CATSPERG: variants seen among roughly 807,000 people sequenced by gnomAD.
CATSPERG encodes catsper channel auxiliary subunit gamma.
CATSPERG carries 115 observed loss-of-function variants against 145.0 expected under a neutral mutation model. The ratio of observed to expected loss-of-function variants is 0.79; its 90% CI spans 0.68 to 0.93. CATSPERG has a LOEUF of 0.93. Ranked by LOEUF, CATSPERG falls within the 40% of genes least tolerant of loss-of-function variation. The probability of loss-of-function intolerance (pLI) is 0.00; values close to 1 mark genes in which losing one functional copy is unlikely to be tolerated. For synonymous variants in CATSPERG, 588 were observed against 589.0 expected, an observed-to-expected ratio of 1.00 and a Z score of 0.02; for missense variants, 1,296 against 1,490.1, an observed-to-expected ratio of 0.87 and a Z score of 2.14.
chr19:38,342,014 G>C (rs1969946165), intron 3 of CATSPERG, among the ~76,000 whole-genome samples: 3 of 151,576 alleles, frequency 2.0e-5, no homozygotes, highest in Admixed American at 2.0e-4. Context: ...AGAGGTGGAG[G>C]TTACAGTGAG....
intron 19 of CATSPERG, 48 bp from the exon 20 acceptor site, chr19:38,362,666 G>C (rs765411421): frequency 6.2e-7 from 1 of 1,604,876 alleles, no homozygotes; most frequent in Admixed American, 1.7e-5. Flanking sequence ...CGGAGGGGCG[G>C]GGCCTGTCTG....
At chr19:38,360,927 C>A in intron 16 of CATSPERG, 84 bp downstream of exon 16, 1 of 1,147,242 alleles carries the variant, frequency 8.7e-7, no homozygotes, top group Admixed American at 2.1e-5. Context: ...AGAGGGGAGA[C>A]CGAGCTAACC....
At position 38,358,272 on chromosome 19, in the gene CATSPERG, C is replaced by A. The variant is rs749015283; in HGVS notation, c.1316-6C>A. On this transcript the variant is annotated splice_polypyrimidine_tract_variant and splice_region_variant and intron_variant, in intron 11 of 28. Transcript: ENST00000409235. ...GGAGATTTTGCTGTGTTCTCCCCAC[C>A]TGTAGCTAGTGATGACCTGGAACTT... is the stretch of plus-strand genomic sequence containing the variant. 8.7e-6 allele frequency: 14 copies of A among 1,614,052 alleles called. No homozygotes were observed. Among genetic ancestry groups the A allele is most frequent in the Non-Finnish European group, 1.0e-5 (12 of 1,180,022 alleles).
intron 7 of CATSPERG, among the ~76,000 whole-genome samples, chr19:38,347,001 A>C (rs1415796274): frequency 2.0e-5 from 3 of 152,154 alleles, no homozygotes; most frequent in Non-Finnish European, 4.4e-5. Flanking sequence ...GCTTGAGAGC[A>C]GGAGTTTGAG....
chr19:38,343,818 G>C (rs1462770198), intron 4 of CATSPERG, 94 bp downstream of exon 4: 4 of 1,447,336 alleles, frequency 2.8e-6, no homozygotes, highest in African/African-American at 1.4e-5. Context: ...GAGGGTATGT[G>C]GGGGGCGGGA....
Position 38,365,276 on chromosome 19 carries a change from C to T in CATSPERG, c.2613+159C>T, listed in dbSNP as rs1227689646. 11 of 643,806 alleles carry T rather than the reference C, an allele frequency of 1.7e-5. No homozygotes were observed. The East Asian group carries it at 3.0e-4, about 18-fold the overall frequency. The allele number at this position is 643,806 out of a possible 1,614,324, so 39.9% of individuals were successfully genotyped here. A position where few individuals can be genotyped will look rare whatever the true frequency, so the allele number is the denominator to read the frequency against. ...CCCACCCACTACCACCCACTAACTC[C>T]TTTCATTCTTTTTTCTTTAAGACGG... On this transcript the variant is annotated intron_variant, in intron 22 of 28. Coordinates refer to ENST00000409235, the MANE Select transcript of CATSPERG (RefSeq NM_021185.5).
chr19:38,348,168 T>C lies in CATSPERG; in HGVS notation c.825+1563T>C, dbSNP rs191713003. ...ACATTGTTTAATTTACACCAACTTT[T>C]TTTTTTAAGAGACAGGCTTTTGCTC... On this transcript the variant is annotated intron_variant, in intron 7 of 28. Coordinates refer to ENST00000409235, the MANE Select transcript of CATSPERG (RefSeq NM_021185.5). Among the ~76,000 whole-genome samples the C allele has an allele frequency of 5.3e-5, 8 of 152,242 alleles. No homozygotes were observed. The East Asian group carries it at 1.5e-3, about 29-fold the overall frequency.
intron 9 of CATSPERG, 49 bp downstream of exon 9, chr19:38,354,896 C>T (rs756501784): frequency 5.1e-6 from 8 of 1,582,936 alleles, no homozygotes; most frequent in Non-Finnish European, 6.9e-6. Flanking sequence ...CATACCCTCT[C>T]TCACCTCCGA....
At chr19:38,365,525 G>A (rs1600483909) in intron 22 of CATSPERG, 1 of 184,326 alleles carries the variant, frequency 5.4e-6, no homozygotes, top group East Asian at 1.4e-4. Flanking sequence ...ACCCGCCTCA[G>A]CCTCCCAAAG....
intron 22 of CATSPERG, chr19:38,365,634 A>G (rs950661372): frequency 3.8e-5 from 6 of 156,350 alleles, no homozygotes; most frequent in Admixed American, 1.9e-4. Flanking sequence ...CAGGTTGCAC[A>G]CAAACTGGTA....
chr19:38,367,558 C>T lies in CATSPERG; in HGVS notation c.2820C>T (p.Gly940=), dbSNP rs1160037631. 2.3e-5 allele frequency: 37 copies of T among 1,614,040 alleles called. No homozygotes were observed. The highest frequency in any genetic ancestry group is 3.1e-5 in the Non-Finnish European group (36 of 1,180,030). ...LIQDLVTGDS[G]SFQGSYVLLV... The stretch of plus-strand genomic sequence containing the variant: ...AAGATTTGGTGACAGGAGACTCCGG[C>T]AGTTTCCAGGGCAGGTAAAGGCGTG... The change falls in exon 24 of 29, where the codon GGC becomes GGT. Residue 940 remains glycine (G), a synonymous_variant. Coordinates refer to ENST00000409235, the MANE Select transcript of CATSPERG (RefSeq NM_021185.5).
chr19:38,369,602 T>C (rs1970512142), intron 26 of CATSPERG: 1 of 310,254 alleles, frequency 3.2e-6, no homozygotes, highest in Non-Finnish European at 6.3e-6. Flanking sequence ...AGGGAATAAA[T>C]GAAAGATGTG....
In CATSPERG at chr19:38,362,327, C is replaced by A. The variant is rs540063805; in HGVS notation, c.2158-49C>A. On this transcript the variant is annotated intron_variant, in intron 18 of 28. Coordinates refer to ENST00000409235, the MANE Select transcript of CATSPERG (RefSeq NM_021185.5). ...GGGGCGGCGCCCGGACACCCCTCAC[C>A]GTGCCCCACCCCCGGCGCTGACTCT... 3.2e-4 allele frequency: 517 copies of A among 1,613,486 alleles called. 6 individuals are homozygous for A. The South Asian group carries it at 5.3e-3, about 17-fold the overall frequency.
At chr19:38,355,474 A>G (rs912059797) in intron 9 of CATSPERG, among the ~76,000 whole-genome samples, 6 of 152,056 alleles carry the variant, frequency 3.9e-5, no homozygotes, top group Non-Finnish European at 7.4e-5. Context: ...AGGTGGGTGG[A>G]TCACCTGAGG....
At chr19:38,341,588 A>C (rs1969938776) in intron 3 of CATSPERG, among the ~76,000 whole-genome samples, 1 of 151,978 alleles carries the variant, frequency 6.6e-6, no homozygotes, top group Non-Finnish European at 1.5e-5. Context: ...ACATAGGGAG[A>C]CCCTGTCTCT....
Position 38,337,585 on chromosome 19 carries a change from CTT to C in CATSPERG, c.271-6_271-5del. ...TTTCTGGACGTGTGGCCTAACCTCT[CTT>C]TGCAGAAATACCTGGGCTTCCCTTA... On this transcript the variant is annotated splice_region_variant and splice_polypyrimidine_tract_variant and intron_variant, in intron 2 of 28. Transcript: ENST00000409235. 3 of 1,551,790 alleles carry C rather than the reference CTT, an allele frequency of 1.9e-6. No individual in the cohort carries two copies. Among genetic ancestry groups the C allele is most frequent in the Non-Finnish European group, 1.7e-6 (2 of 1,147,006 alleles).
At chr19:38,347,515 A>G (rs1237112356) in intron 7 of CATSPERG, among the ~76,000 whole-genome samples, 1 of 152,214 alleles carries the variant, frequency 6.6e-6, no homozygotes, top group Non-Finnish European at 1.5e-5. Context: ...TTGAGAGCCT[A>G]TATTATCCCA....
Position 38,335,956 on chromosome 19 carries a change from G to A in CATSPERG, c.-15+81G>A, listed in dbSNP as rs189528304. 4.3e-3 allele frequency: 1,238 copies of A among 286,210 alleles called. 8 individuals are homozygous for A. The highest frequency in any genetic ancestry group is 6.7e-3 in the Non-Finnish European group (952 of 141,766). The allele number at this position is 286,210 out of a possible 1,614,324, so 17.7% of individuals were successfully genotyped here. A position where few individuals can be genotyped will look rare whatever the true frequency, so the allele number is the denominator to read the frequency against. Reference sequence around the variant, plus strand: ...ACGGGGAGGAACTAGGAAGGGGAGGGGAAGGGGAAGGCGAGAAGGGGAGAG... The same window carrying A: ...ACGGGGAGGAACTAGGAAGGGGAGGAGAAGGGGAAGGCGAGAAGGGGAGAG... On this transcript the variant is annotated intron_variant, in intron 1 of 28. Coordinates refer to ENST00000409235, the MANE Select transcript of CATSPERG (RefSeq NM_021185.5).
chr19:38,362,148 G>C, intron 17 of CATSPERG, 62 bp from the exon 18 acceptor site: 1 of 1,530,028 alleles, frequency 6.5e-7, no homozygotes, highest in Non-Finnish European at 8.9e-7. Flanking sequence ...TGGGGATGCC[G>C]CTTGCCTGGA....
Sources: allele counts gnomAD v4.1 joint callset (sites outside exome capture counted in the v4.1 genomes callset), GRCh38; gene constraint gnomAD v4.1.1; transcripts MANE v1.5; gene names NCBI Gene and HGNC (gene_info 2026-07-23, HGNC 2026-07-21).